Variants in STPG4 observed in about 807,000 individuals in gnomAD.
The protein encoded by STPG4 is protein STPG4.
In STPG4, 41 loss-of-function variants were observed where a neutral mutation model predicts 31.5. That is an observed-to-expected ratio of 1.30 (90% CI 1.01 to 1.69). The LOEUF is 1.69. STPG4 is among the 40% of genes most tolerant of loss of function. The probability of loss-of-function intolerance (pLI) is 0.00; values close to 1 mark genes in which losing one functional copy is unlikely to be tolerated. For synonymous variants in STPG4, 141 were observed against 103.0 expected (o/e 1.37, Z -2.24); for missense variants, 375 against 293.4 (o/e 1.28, Z -2.03).
intron 5 of STPG4, among the ~76,000 whole-genome samples, chr2:47,106,275 AG>A (rs1201664616): frequency 6.6e-6 from 1 of 151,918 alleles, no homozygotes; most frequent in Non-Finnish European, 1.5e-5. Context: ...CTAACTGGAC[AG>A]GCACCTGCAC....
At chr2:47,133,845 G>A (rs1686541360) in intron 3 of STPG4, among the ~76,000 whole-genome samples, 1 of 151,970 alleles carries the variant, frequency 6.6e-6, no homozygotes, top group African/African-American at 2.4e-5. Context: ...CCAAAGTGCT[G>A]GGATTATAGA....
At chr2:47,097,833 A>G (rs1685702863) in intron 5 of STPG4, among the ~76,000 whole-genome samples, 1 of 151,952 alleles carries the variant, frequency 6.6e-6, no homozygotes, top group Admixed American at 6.6e-5. Flanking sequence ...AAATGCACTG[A>G]GGGGCTGGAT....
chr2:47,111,477 G>A (rs370455005), intron 5 of STPG4, among the ~76,000 whole-genome samples: 3 of 152,170 alleles, frequency 2.0e-5, no homozygotes, highest in African/African-American at 4.8e-5. Flanking sequence ...GAAGGGAGGA[G>A]AAACTACAAA....
At chr2:47,112,490 A>T (rs757216100) in intron 5 of STPG4, among the ~76,000 whole-genome samples, 1 of 152,182 alleles carries the variant, frequency 6.6e-6, no homozygotes, top group African/African-American at 2.4e-5. Flanking sequence ...GATTGTATGT[A>T]TAAGTGACTA....
In STPG4 at chr2:47,106,378, A is replaced by G. The variant is rs191477899; in HGVS notation, c.520-16004T>C. 6.6e-4 allele frequency among the ~76,000 whole-genome samples: 100 copies of G among 152,086 alleles called. 3 individuals are homozygous for G. The highest frequency in any genetic ancestry group is 2.2e-3 in the African/African-American group (92 of 41,378). ...AGCTCAAGTCCGTCAGCGCAGAGCC[A>G]TACAACTAATACCCCTATTTATAGG... is the stretch of plus-strand genomic sequence containing the variant. On this transcript the variant is annotated intron_variant, in intron 5 of 6. Transcript: ENST00000445927.
chr2:47,136,309 C>A (rs1273298450), intron 3 of STPG4, among the ~76,000 whole-genome samples: 2 of 152,052 alleles, frequency 1.3e-5, no homozygotes, highest in Admixed American at 6.6e-5. Flanking sequence ...CCATGCCCAG[C>A]TAATTTTTTG....
intron 5 of STPG4, among the ~76,000 whole-genome samples, chr2:47,096,627 G>C (rs1403617742): frequency 6.6e-6 from 1 of 152,178 alleles, no homozygotes; most frequent in Non-Finnish European, 1.5e-5. Flanking sequence ...CAGGGGGTTA[G>C]GGACTGCTGC....
chr2:47,111,151 C>T (rs556314898), intron 5 of STPG4, among the ~76,000 whole-genome samples: 44 of 152,168 alleles, frequency 2.9e-4, no homozygotes, highest in Non-Finnish European at 4.9e-4. Context: ...TTAATGTATA[C>T]TCCCACCAGC....
At chr2:47,113,077 A>G (rs573409580) in intron 5 of STPG4, among the ~76,000 whole-genome samples, 58 of 152,210 alleles carry the variant, frequency 3.8e-4, no homozygotes, top group African/African-American at 1.3e-3. Flanking sequence ...TTTAAGTAGT[A>G]GAAGAAATAA....
intron 5 of STPG4, among the ~76,000 whole-genome samples, chr2:47,104,433 A>T (rs914353715): frequency 6.6e-6 from 1 of 151,998 alleles, no homozygotes; most frequent in African/African-American, 2.4e-5. Context: ...CAGAAATTCC[A>T]CTATATCCAG....
chr2:47,144,771 C>G (rs1686783565), intron 3 of STPG4, among the ~76,000 whole-genome samples: 1 of 152,134 alleles, frequency 6.6e-6, no homozygotes, highest in African/African-American at 2.4e-5. Context: ...TGCTCTGTCG[C>G]CCAGGCTGGA....
chr2:47,093,694 T>A (rs1272627489), intron 5 of STPG4, among the ~76,000 whole-genome samples: 1 of 152,216 alleles, frequency 6.6e-6, no homozygotes, highest in Non-Finnish European at 1.5e-5. Context: ...ATCCAGCAGT[T>A]TCCTTGCATG....
At chr2:47,151,990 C>T (rs1558690394) in intron 2 of STPG4, among the ~76,000 whole-genome samples, 1 of 151,406 alleles carries the variant, frequency 6.6e-6, no homozygotes, top group Non-Finnish European at 1.5e-5. Flanking sequence ...GTCTAGATCT[C>T]CTGACCTTGT....
In STPG4 at chr2:47,125,523, T is replaced by C. The variant is rs144003635; in HGVS notation, c.519+4418A>G. ...AGTTTGCAAATATTGTCCCCCATTA[T>C]GTGGGTCGTCTCTTCACTTTGTTGA... On this transcript the variant is annotated intron_variant, in intron 5 of 6. Coordinates refer to ENST00000445927, the MANE Select transcript of STPG4 (RefSeq NM_001163561.2). Among the ~76,000 whole-genome samples, 57 of 152,344 alleles carry C rather than the reference T, an allele frequency of 3.7e-4. No homozygotes were observed. The East Asian group carries it at 7.3e-3, about 20-fold the overall frequency.
intron 3 of STPG4, among the ~76,000 whole-genome samples, chr2:47,131,187 C>T (rs970731007): frequency 1.1e-4 from 16 of 151,934 alleles, no homozygotes; most frequent in African/African-American, 3.6e-4. Context: ...AGTGCAGTGG[C>T]GTGATCACAG....
rs745351587 is a variant in STPG4 at position 47,090,318 on chromosome 2, G to C, written c.576C>G (p.Val192=). The change falls in exon 6 of 7, where the codon GTC becomes GTG. Residue 192 remains valine (V), a synonymous_variant. Coordinates refer to ENST00000445927, the MANE Select transcript of STPG4 (RefSeq NM_001163561.2). ...YNVKMPPTSS[V]TSCFQSRVPR... ...GGACTCTGGATTGAAAACAAGAAGTGACAGAGCTTGTTGGAGGCATTTTCA... is the reference window on the plus strand; with the variant it reads ...GGACTCTGGATTGAAAACAAGAAGTCACAGAGCTTGTTGGAGGCATTTTCA... 1.9e-6 allele frequency: 3 copies of C among 1,552,006 alleles called. No homozygotes were observed. The South Asian group carries it at 3.6e-5, about 18-fold the overall frequency.
chr2:47,100,969 T>A (rs1484312876), intron 5 of STPG4, among the ~76,000 whole-genome samples: 1 of 151,864 alleles, frequency 6.6e-6, no homozygotes, highest in African/African-American at 2.4e-5. Context: ...AACCCACCAA[T>A]TCTGGACACA....
chr2:47,138,420 C>G (rs1361353552), intron 3 of STPG4, among the ~76,000 whole-genome samples: 1 of 145,454 alleles, frequency 6.9e-6, no homozygotes. Context: ...GAGATGGAGT[C>G]TTACTCTGTC....
At chr2:47,097,045 G>C (rs550472686) in intron 5 of STPG4, among the ~76,000 whole-genome samples, 1 of 152,172 alleles carries the variant, frequency 6.6e-6, no homozygotes, top group Non-Finnish European at 1.5e-5. Context: ...GAGGACACAG[G>C]TGGACAGGGA....
Sources: gnomAD v4.1 joint callset for allele counts (sites outside exome capture counted in the v4.1 genomes callset) on GRCh38, gnomAD v4.1.1 for gene constraint, MANE v1.5 for transcripts, NCBI Gene and HGNC (gene_info 2026-07-23, HGNC 2026-07-21) for gene names.